Variants in TAPBPL observed in about 807,000 individuals in gnomAD.
TAPBPL encodes the protein tapasin-related protein.
In TAPBPL, 32 loss-of-function variants were observed where a neutral mutation model predicts 44.8. The ratio of observed to expected loss-of-function variants is 0.71; its 90% CI spans 0.54 to 0.96. The LOEUF is 0.96. Ranked by LOEUF, TAPBPL falls within the 40% of genes least tolerant of loss-of-function variation. The pLI is 0.00. For synonymous variants in TAPBPL, 230 were observed against 240.7 expected (o/e 0.96, Z 0.41); for missense variants, 520 against 586.6 (o/e 0.89, Z 1.17).
chr12:6,463,912 GT>G (rs894090833), downstream of TAPBPL: 8 of 1,287,258 alleles, frequency 6.2e-6, no homozygotes, highest in Admixed American at 4.7e-5. The surrounding 1 kb of genome is among the most constrained non-coding windows in gnomAD (Gnocchi z 4.0). Context: ...CAAAAAACAA[GT>G]TTTTACTTTC....
intron 1 of TAPBPL, 23 bp downstream of exon 1, chr12:6,452,335 G>A: frequency 6.4e-7 from 1 of 1,565,166 alleles, no homozygotes; most frequent in Middle Eastern, 1.8e-4. Context: ...GTCGGGGAGA[G>A]CTGGCTGGGA....
the TAPBPL span, among the ~76,000 whole-genome samples, chr12:6,471,834 A>T: frequency 3.3e-4 from 50 of 152,342 alleles, no homozygotes; most frequent in Non-Finnish European, 6.5e-4. The surrounding 1 kb of genome is among the most constrained non-coding windows in gnomAD (Gnocchi z 4.0). Context: ...TTCAAAAAAA[A>T]AAAGAAAAAA....
chr12:6,460,724 C>A, intron 5 of TAPBPL, 131 bp from the exon 6 acceptor site: 1 of 787,768 alleles, frequency 1.3e-6, no homozygotes, highest in African/African-American at 1.7e-5. Flanking sequence ...GTGCCTTGTT[C>A]CAGGCTCCTC....
rs1949607286 is a variant in TAPBPL at position 6,453,171 on chromosome 12, A to C, written c.169A>C (p.Arg57=). The C allele has an allele frequency of 1.2e-6, 2 of 1,610,484 alleles. No individual in the cohort carries two copies. The highest frequency in any genetic ancestry group is 3.4e-5 in the Admixed American group (2 of 59,354). The stretch of plus-strand genomic sequence containing the variant: ...TGGAGCTCTCGCCAGCAGTGAGGAC[A>C]GGGCAAGGGCCTCCCTTGTGCTGAA... ...HRGALASSED[R]ARASLVLKQV... The change falls in exon 2 of 7, where the codon AGG becomes CGG. Residue 57 remains arginine, a synonymous_variant. Coordinates refer to ENST00000266556, the MANE Select transcript of TAPBPL (RefSeq NM_018009.5). The surrounding 1 kb of genome is among the most constrained non-coding windows in gnomAD (Gnocchi z 4.8).
downstream of TAPBPL, chr12:6,462,810 C>A: frequency 6.2e-7 from 1 of 1,601,696 alleles, no homozygotes. Context: ...TGGGAGGGTA[C>A]TGACTGCTTT....
chr12:6,470,838 C>T, downstream of TAPBPL: 2 of 500,224 alleles, frequency 4.0e-6, no homozygotes, highest in Non-Finnish European at 3.6e-6. Context: ...TCCTCTCATC[C>T]GACTCCGGAA....
chr12:6,470,631 C>G (rs374381650), downstream of TAPBPL: 20 of 1,515,090 alleles, frequency 1.3e-5, no homozygotes, highest in South Asian at 1.3e-4. Context: ...CTGCCAAGCT[C>G]CGCCTCGCGC....
downstream of TAPBPL, chr12:6,470,627 AGCTCC>A: frequency 6.5e-7 from 1 of 1,544,234 alleles, no homozygotes; most frequent in African/African-American, 1.4e-5. Flanking sequence ...GGAACTGCCA[AGCTCC>A]GCCTCGCGCC....
downstream of TAPBPL, chr12:6,466,197 A>G (rs777205909): frequency 1.2e-6 from 2 of 1,613,892 alleles, no homozygotes; most frequent in Non-Finnish European, 1.7e-6. Flanking sequence ...AGATTTGGAA[A>G]CTTTCAGAGA....
intron 3 of TAPBPL, among the ~76,000 whole-genome samples, chr12:6,456,364 C>CTTT (rs542812394): frequency 1.5e-5 from 2 of 134,358 alleles, no homozygotes; most frequent in African/African-American, 2.8e-5. Flanking sequence ...CTATCACATG[C>CTTT]TTTTTTTTTT....
chr12:6,457,405 G>A lies in TAPBPL; in HGVS notation c.566-1G>A. 1.2e-6 allele frequency: 2 copies of A among 1,612,540 alleles called. No individual in the cohort carries two copies. Among genetic ancestry groups the A allele is most frequent in the Non-Finnish European group, 1.7e-6 (2 of 1,178,858 alleles). On this transcript the variant is annotated splice_acceptor_variant, in intron 3 of 6. Coordinates refer to ENST00000266556, the MANE Select transcript of TAPBPL (RefSeq NM_018009.5). LOFTEE classifies it high-confidence loss of function. ...AATCACCCCTCTTTTCCTCTTCACA[G>A]TGGAGTTCCAGGTGATGACACAGAC...
chr12:6,461,481 C>T, intron 6 of TAPBPL: 1 of 989,940 alleles, frequency 1.0e-6, no homozygotes, highest in South Asian at 4.3e-5. Context: ...GCTGGGCTAC[C>T]CCTCCCAAAC....
downstream of TAPBPL, chr12:6,470,517 A>G: frequency 1.9e-6 from 3 of 1,614,016 alleles, no homozygotes; most frequent in Non-Finnish European, 2.5e-6. Context: ...CCCCCACACC[A>G]GAGTCAACTC....
At chr12:6,465,274 T>G (rs939818291), downstream of TAPBPL, 5 of 417,542 alleles carry the variant, frequency 1.2e-5, no homozygotes, top group East Asian at 8.0e-5. Context: ...CACTGTGAAG[T>G]GTTCAGCTCA....
Position 6,458,878 on chromosome 12 carries a change from T to TA in TAPBPL, c.1139dup (p.Tyr380Ter). The change falls in exon 5 of 7, where the codon TAC becomes TAAC. Residue 380 changes from tyrosine to a stop codon, truncating the protein, a stop_gained and frameshift_variant. Coordinates refer to ENST00000266556, the MANE Select transcript of TAPBPL (RefSeq NM_018009.5). LOFTEE classifies it high-confidence loss of function. ...AGAACCTGGCTCTGCAGGTGCCACTTACACCTGCCAGGTCACACACATCTC... is the reference window on the plus strand; with the variant it reads ...AGAACCTGGCTCTGCAGGTGCCACTTAACACCTGCCAGGTCACACACATCTC... ...TAEPGSAGAT[Y>*]TCQVTHISLE... The TA allele has an allele frequency of 6.2e-7, 1 of 1,614,162 alleles. No individual in the cohort carries two copies. The highest frequency in any genetic ancestry group is 2.2e-5 in the East Asian group (1 of 44,874).
chr12:6,462,410 A>G (rs952148697), downstream of TAPBPL: 6 of 502,308 alleles, frequency 1.2e-5, no homozygotes, highest in African/African-American at 9.6e-5. Flanking sequence ...GAAACCCCAC[A>G]TCGTCTCATG....
At chr12:6,468,469 C>G (rs1423597317), downstream of TAPBPL, among the ~76,000 whole-genome samples, 2 of 152,170 alleles carry the variant, frequency 1.3e-5, no homozygotes, top group African/African-American at 4.8e-5. Context: ...TAGATAGAAT[C>G]TGGGGCCCAA....
At chr12:6,471,950 CTT>C in the TAPBPL span, among the ~76,000 whole-genome samples, 1 of 152,320 alleles carries the variant, frequency 6.6e-6, no homozygotes, top group South Asian at 2.1e-4. The surrounding 1 kb of genome is among the most constrained non-coding windows in gnomAD (Gnocchi z 4.0). Context: ...ATATTTCACT[CTT>C]GTGCATGCAT....
downstream of TAPBPL, chr12:6,465,745 G>A: frequency 2.0e-6 from 3 of 1,476,962 alleles, no homozygotes; most frequent in South Asian, 1.3e-5. Context: ...GAGAGATCCT[G>A]CACCATTAGA....
Sources: gnomAD v4.1 joint callset for allele counts (sites outside exome capture counted in the v4.1 genomes callset) on GRCh38, gnomAD v4.1.1 for gene constraint, Gnocchi (gnomAD v3.1) non-coding constraint, MANE v1.5 for transcripts, NCBI Gene and HGNC (gene_info 2026-07-23, HGNC 2026-07-21) for gene names.